The following IAPP variants were observed in gnomAD, a reference collection of about 807,000 sequenced individuals.
IAPP encodes the protein islet amyloid polypeptide.
A neutral mutation model predicts 2.9 loss-of-function variants in IAPP; 4 were observed. The observed-to-expected ratio is 1.39, with a 90% CI of 0.69 to 3.19. The LOEUF (loss-of-function observed/expected upper bound fraction) is 3.19. Among genes scored for constraint, IAPP ranks in the 30% most tolerant of loss-of-function variants. The pLI is 0.01. For synonymous variants in IAPP, 40 were observed against 42.1 expected (o/e 0.95, Z 0.19); for missense variants, 114 against 105.3 (o/e 1.08, Z -0.36).
intron 1 of IAPP, among the ~76,000 whole-genome samples, chr12:21,362,286 A>G (rs2137052224): frequency 6.6e-6 from 1 of 152,270 alleles, no homozygotes; most frequent in Middle Eastern, 3.4e-3. Context: ...AGAATTTCAT[A>G]CCCAGTCAAA....
rs1940272769 is a variant in IAPP, at chr12:21,377,328, T to C, written c.81-909T>C. On this transcript the variant is annotated intron_variant, in intron 2 of 2. Transcript: ENST00000240652. ...GAACAGGTGATAGATTTGATTCTTT[T>C]GGAGACTTTATGATATTCTCTTTTT... Among the ~76,000 whole-genome samples, 4 of 152,244 alleles carry C rather than the reference T, an allele frequency of 2.6e-5. No individual in the cohort carries two copies. The South Asian group carries it at 8.3e-4, about 31-fold the overall frequency.
intron 1 of IAPP, among the ~76,000 whole-genome samples, chr12:21,366,194 A>C (rs1939365228): frequency 6.6e-6 from 1 of 152,212 alleles, no homozygotes; most frequent in East Asian, 1.9e-4. Flanking sequence ...TGTGGCACAT[A>C]TACACCATGG....
chr12:21,362,297 C>G (rs1938970257), intron 1 of IAPP, among the ~76,000 whole-genome samples: 1 of 152,078 alleles, frequency 6.6e-6, no homozygotes, highest in South Asian at 2.1e-4. Flanking sequence ...CCCAGTCAAA[C>G]TAAGCTTCAT....
At chr12:21,371,584 A>T (rs900164740), upstream of IAPP, among the ~76,000 whole-genome samples, 33 of 152,334 alleles carry the variant, frequency 2.2e-4, no homozygotes, top group African/African-American at 7.9e-4. Context: ...GTTTCTAGTT[A>T]GAGAACTTCA....
At chr12:21,364,132 G>A (rs1052252759) in intron 1 of IAPP, among the ~76,000 whole-genome samples, 9 of 152,166 alleles carry the variant, frequency 5.9e-5, no homozygotes, top group Admixed American at 2.0e-4. Flanking sequence ...GATGAACATC[G>A]ATGCAAAAAT....
At chr12:21,373,251 T>C (rs1939930396) in intron 1 of IAPP, 86 bp from the exon 2 acceptor site, 2 of 861,442 alleles carry the variant, frequency 2.3e-6, no homozygotes, top group Non-Finnish European at 3.9e-6. Context: ...AAGATGTTTC[T>C]TTTAAAAACT....
At chr12:21,371,556 T>A (rs1258709802), upstream of IAPP, among the ~76,000 whole-genome samples, 3 of 152,206 alleles carry the variant, frequency 2.0e-5, no homozygotes, top group Admixed American at 1.3e-4. Flanking sequence ...AAGAAGTATA[T>A]GAAATCAATG....
chr12:21,370,572 G>A (rs1190444815), upstream of IAPP, among the ~76,000 whole-genome samples: 7 of 148,234 alleles, frequency 4.7e-5, no homozygotes, highest in African/African-American at 1.5e-4. Flanking sequence ...GAGTGAGAAC[G>A]TGCAGTGTTT....
chr12:21,361,089 C>T (rs777822361), intron 1 of IAPP, among the ~76,000 whole-genome samples: 1 of 152,222 alleles, frequency 6.6e-6, no homozygotes, highest in Admixed American at 6.5e-5. Context: ...ACTGCCTCCT[C>T]AAGTGGGTCC....
chr12:21,371,267 T>C (rs1939769983), upstream of IAPP, among the ~76,000 whole-genome samples: 1 of 152,174 alleles, frequency 6.6e-6, no homozygotes, highest in African/African-American at 2.4e-5. Context: ...CCATTGGCCC[T>C]GTTTTAGCTA....
intron 1 of IAPP, among the ~76,000 whole-genome samples, chr12:21,361,544 G>C (rs1938884608): frequency 6.6e-6 from 1 of 152,228 alleles, no homozygotes; most frequent in Non-Finnish European, 1.5e-5. Flanking sequence ...GAATGACTTT[G>C]ACGAGTTGAC....
intron 2 of IAPP, among the ~76,000 whole-genome samples, chr12:21,377,386 T>A (rs1017530980): frequency 2.0e-5 from 3 of 152,182 alleles, no homozygotes; most frequent in Non-Finnish European, 4.4e-5. Flanking sequence ...ATTTTTTACT[T>A]TATTATATTT....
intron 2 of IAPP, 72 bp downstream of exon 2, chr12:21,373,503 A>C: frequency 2.1e-6 from 2 of 973,724 alleles, no homozygotes; most frequent in Admixed American, 1.7e-5. Context: ...AAATACTGTC[A>C]AATAACTACA....
At chr12:21,357,426 CA>C (rs981686918) in intron 1 of IAPP, among the ~76,000 whole-genome samples, 64 of 152,284 alleles carry the variant, frequency 4.2e-4, no homozygotes, top group African/African-American at 1.4e-3. Context: ...CAGATAGAAC[CA>C]ACCCTGCTGA....
At chr12:21,377,240 T>C (rs1940265258) in intron 2 of IAPP, among the ~76,000 whole-genome samples, 1 of 152,104 alleles carries the variant, frequency 6.6e-6, no homozygotes, top group African/African-American at 2.4e-5. Context: ...AAGCATAAGA[T>C]CCAAGCAGGA....
At chr12:21,368,469 A>T (rs1467804477), upstream of IAPP, among the ~76,000 whole-genome samples, 1 of 130,138 alleles carries the variant, frequency 7.7e-6, no homozygotes, top group Non-Finnish European at 1.6e-5. Context: ...AAACCAGTTA[A>T]ATTTTTTTTT....
At position 21,378,640 on chromosome 12, in the gene IAPP, A is replaced by G; in HGVS notation, c.*214A>G. ...TCTTTTAAAATGAAATGTTTTTGCT[A>G]TAGATTTGTATTTTAAAACATAAGA... On this transcript the variant is annotated 3_prime_UTR_variant, in exon 3 of 3. Coordinates refer to ENST00000240652, the MANE Select transcript of IAPP (RefSeq NM_000415.3). The G allele has an allele frequency of 2.0e-6, 1 of 496,732 alleles. No individual in the cohort carries two copies. The highest frequency in any genetic ancestry group is 3.3e-5 in the South Asian group (1 of 30,206). The allele number at this position is 496,732 out of a possible 1,614,324, so 30.8% of individuals were successfully genotyped here.
chr12:21,368,533 C>T (rs1056782719), upstream of IAPP, among the ~76,000 whole-genome samples: 4 of 151,752 alleles, frequency 2.6e-5, no homozygotes, highest in Non-Finnish European at 5.9e-5. Flanking sequence ...TTAAGGAATT[C>T]CCATAAATTG....
intron 1 of IAPP, among the ~76,000 whole-genome samples, chr12:21,355,591 T>C (rs529184876): frequency 6.6e-6 from 1 of 152,250 alleles, no homozygotes; most frequent in South Asian, 2.1e-4. Context: ...CCCATGGAGC[T>C]AAAGTGATCC....
Sources: gnomAD v4.1 joint callset for allele counts (sites outside exome capture counted in the v4.1 genomes callset) on GRCh38, gnomAD v4.1.1 for gene constraint, MANE v1.5 for transcripts, NCBI Gene and HGNC (gene_info 2026-07-23, HGNC 2026-07-21) for gene names.